EFCAB5: variants seen among roughly 807,000 people sequenced by gnomAD.
EFCAB5 encodes the protein EF-hand calcium binding domain 5, also known as EF-hand calcium-binding domain-containing protein 5.
EFCAB5 carries 131 observed loss-of-function variants against 167.9 expected under a neutral mutation model. The ratio of observed to expected loss-of-function variants is 0.78; its 90% CI spans 0.68 to 0.90. EFCAB5 has a LOEUF of 0.90. Ranked by LOEUF, EFCAB5 falls within the 40% of genes least tolerant of loss-of-function variation. EFCAB5 has a pLI of 0.00. For missense variants in EFCAB5, 1,663 were observed against 1,745.2 expected (o/e 0.95, Z 0.84); for synonymous variants, 574 against 602.8 (o/e 0.95, Z 0.70).
chr17:30,088,030 C>G (rs1442938918), intron 19 of EFCAB5, among the ~76,000 whole-genome samples: 1 of 152,206 alleles, frequency 6.6e-6, no homozygotes, highest in Non-Finnish European at 1.5e-5. Flanking sequence ...TTGCATTTCT[C>G]TAATGATCAC....
At position 30,048,602 on chromosome 17, in the gene EFCAB5, C is replaced by T. The variant is rs537769318; in HGVS notation, c.1201-2516C>T. 8.7e-4 allele frequency among the ~76,000 whole-genome samples: 132 copies of T among 151,722 alleles called. 1 individual carries two copies. The highest frequency in any genetic ancestry group is 1.7e-3 in the Non-Finnish European group (116 of 67,962). The stretch of plus-strand genomic sequence containing the variant: ...ATCCACCTCCTGGGTTCGAGCGATT[C>T]TCCTACCTCAGCCTCCCAAGTAGTT... On this transcript the variant is annotated intron_variant, in intron 8 of 22. Transcript: ENST00000394835.
intron 14 of EFCAB5, among the ~76,000 whole-genome samples, chr17:30,066,364 G>A (rs568362730): frequency 1.2e-4 from 18 of 151,888 alleles, no homozygotes; most frequent in African/African-American, 3.6e-4. Context: ...AATTAAGAAG[G>A]GAATTTAAAA....
chr17:30,079,362 A>T (rs1486999830), intron 15 of EFCAB5, among the ~76,000 whole-genome samples: 1 of 152,220 alleles, frequency 6.6e-6, no homozygotes, highest in Non-Finnish European at 1.5e-5. Context: ...AATAAAGGCA[A>T]AAGAAAAGGG....
At chr17:29,952,884 ATAAG>A (rs773660686) in intron 3 of EFCAB5, among the ~76,000 whole-genome samples, 1 of 152,142 alleles carries the variant, frequency 6.6e-6, no homozygotes, top group Non-Finnish European at 1.5e-5. Flanking sequence ...ATATTTTGTA[ATAAG>A]TAAGGTTAAA....
At chr17:29,976,251 A>C (rs1281480337) in intron 4 of EFCAB5, among the ~76,000 whole-genome samples, 1 of 152,210 alleles carries the variant, frequency 6.6e-6, no homozygotes, top group Non-Finnish European at 1.5e-5. Flanking sequence ...ATTGGGTTCC[A>C]TGACACAGGA....
intron 22 of EFCAB5, among the ~76,000 whole-genome samples, chr17:30,097,060 ATTTT>A (rs199614574): frequency 7.9e-4 from 52 of 65,610 alleles, no homozygotes; most frequent in African/African-American, 3.9e-3. Context: ...ATATATATAT[ATTTT>A]TTTTTTTTTG....
chr17:30,082,839 T>C (rs2071015759), intron 17 of EFCAB5, 52 bp from the exon 18 acceptor site: 2 of 1,519,242 alleles, frequency 1.3e-6, no homozygotes, highest in African/African-American at 2.8e-5. Flanking sequence ...ATATTACTAA[T>C]TATTTTTCTA....
chr17:30,099,617 G>A (rs1316246050), intron 22 of EFCAB5, among the ~76,000 whole-genome samples: 1 of 152,122 alleles, frequency 6.6e-6, no homozygotes, highest in Non-Finnish European at 1.5e-5. Flanking sequence ...TACTGGCTGG[G>A]CTTTTTCAAT....
rs142518708 is a variant in EFCAB5 at position 29,988,488 on chromosome 17, C to T, written c.768-4677C>T. 5.2e-3 allele frequency among the ~76,000 whole-genome samples: 791 copies of T among 152,308 alleles called. 8 individuals are homozygous for T. Among genetic ancestry groups the T allele is most frequent in the African/African-American group, 0.018 (749 of 41,558 alleles). On this transcript the variant is annotated intron_variant, in intron 4 of 22. Transcript: ENST00000394835. ...TTACCCTTCGAGCCAGAATAAGAAG[C>T]TTTACCATTAGTAGACCCATCTGTA...
chr17:29,941,766 A>AT lies in EFCAB5; in HGVS notation c.-30dup. 6.4e-7 allele frequency: 1 copy of AT among 1,572,616 alleles called. No homozygotes were observed. Among genetic ancestry groups the AT allele is most frequent in the Non-Finnish European group, 8.7e-7 (1 of 1,151,958 alleles). On this transcript the variant is annotated 5_prime_UTR_variant, in exon 1 of 23. The change abolishes the stop of an existing upstream ORF in the 5' untranslated region. Transcript: ENST00000394835. Reference sequence around the variant, plus strand: ...AATACTGGTCTAGTAATATTCTTCTATACCATTTGGTGATAACTTTTGGAG... The same window carrying AT: ...AATACTGGTCTAGTAATATTCTTCTATTACCATTTGGTGATAACTTTTGGAG...
At chr17:30,019,743 G>T (rs1324190651) in intron 7 of EFCAB5, among the ~76,000 whole-genome samples, 1 of 152,034 alleles carries the variant, frequency 6.6e-6, no homozygotes. Flanking sequence ...ACCGTGCCCA[G>T]CCCATCCCTC....
intron 7 of EFCAB5, among the ~76,000 whole-genome samples, chr17:30,022,147 A>C (rs1416369016): frequency 3.3e-5 from 5 of 152,190 alleles, no homozygotes; most frequent in African/African-American, 1.2e-4. Context: ...CTCACTTTTC[A>C]TCTGTTTTAT....
At chr17:30,051,435 C>CA (rs1323635929) in intron 9 of EFCAB5, among the ~76,000 whole-genome samples, 4 of 152,116 alleles carry the variant, frequency 2.6e-5, no homozygotes, top group African/African-American at 9.7e-5. Context: ...CACCACAGTG[C>CA]AATACTCAAA....
intron 3 of EFCAB5, among the ~76,000 whole-genome samples, chr17:29,957,650 G>A (rs750539848): frequency 6.6e-6 from 1 of 152,158 alleles, no homozygotes; most frequent in Non-Finnish European, 1.5e-5. Flanking sequence ...CCCTGCAAAG[G>A]ACATGATCTC....
intron 12 of EFCAB5, among the ~76,000 whole-genome samples, chr17:30,057,191 A>C (rs2151790805): frequency 6.6e-6 from 1 of 152,294 alleles, no homozygotes; most frequent in East Asian, 1.9e-4. Flanking sequence ...GCTCAACAAT[A>C]GCAGCAGGAT....
At chr17:30,022,020 G>T (rs1466463361) in intron 7 of EFCAB5, among the ~76,000 whole-genome samples, 1 of 152,104 alleles carries the variant, frequency 6.6e-6, no homozygotes, top group Non-Finnish European at 1.5e-5. Context: ...TAGAGAAAAA[G>T]AGAAATGGAG....
chr17:30,103,558 A>C (rs1361764491), intron 22 of EFCAB5, among the ~76,000 whole-genome samples: 1 of 152,146 alleles, frequency 6.6e-6, no homozygotes, highest in African/African-American at 2.4e-5. Flanking sequence ...CTAGAGAAAA[A>C]TGTGTTTTTA....
intron 15 of EFCAB5, 69 bp from the exon 16 acceptor site, chr17:30,080,003 T>C: frequency 6.6e-7 from 1 of 1,521,814 alleles, no homozygotes; most frequent in Non-Finnish European, 8.8e-7. Flanking sequence ...AATTAACTAG[T>C]AAGGGGGACA....
intron 14 of EFCAB5, among the ~76,000 whole-genome samples, chr17:30,077,840 G>C (rs1054841989): frequency 6.6e-6 from 1 of 152,202 alleles, no homozygotes; most frequent in Non-Finnish European, 1.5e-5. Flanking sequence ...ATAAACGCTG[G>C]CTCTGGGGTT....
Sources: allele counts gnomAD v4.1 joint callset (sites outside exome capture counted in the v4.1 genomes callset), GRCh38; gene constraint gnomAD v4.1.1; transcripts MANE v1.5; gene names NCBI Gene and HGNC (gene_info 2026-07-23, HGNC 2026-07-21).